The following B3GALT5 variants were observed in gnomAD, a reference collection of about 807,000 sequenced individuals.
The protein encoded by B3GALT5 is beta-1,3-galactosyltransferase 5.
For missense variants in B3GALT5, 328 were observed against 396.6 expected, an observed-to-expected ratio of 0.83 and a Z score of 1.47; for synonymous variants, 156 against 158.6, an observed-to-expected ratio of 0.98 and a Z score of 0.12.
rs1569212601 is a variant in B3GALT5 at position 39,639,456 on chromosome 21, T to TTTCTTTC, written c.-391-6934_-391-6933insCTTTCTT. On this transcript the variant is annotated intron_variant, in intron 1 of 3. Coordinates refer to ENST00000684187, the MANE Select transcript of B3GALT5 (RefSeq NM_001356336.2). ...TCTTTCTTTCTTTCTTTCTTTCTTT[T>TTTCTTTC]TTTCTTTCTCTCTCTCTCTCTCTTT... Among the ~76,000 whole-genome samples, 12 of 77,568 alleles carry TTTCTTTC rather than the reference T, an allele frequency of 1.5e-4. 1 individual carries two copies. The highest frequency in any genetic ancestry group is 4.4e-4 in the African/African-American group (8 of 18,246). The allele number at this position is 77,568 out of a possible 152,430, so 50.9% of individuals were successfully genotyped here. A position where few individuals can be genotyped will look rare whatever the true frequency, so the allele number is the denominator to read the frequency against.
chr21:39,658,510 G>C (rs897771330), intron 2 of B3GALT5, among the ~76,000 whole-genome samples: 31 of 152,284 alleles, frequency 2.0e-4, no homozygotes, highest in African/African-American at 6.7e-4. Flanking sequence ...TCTCTAAAAT[G>C]TATTGTGGGG....
chr21:39,650,614 A>T (rs566192323), intron 2 of B3GALT5, among the ~76,000 whole-genome samples: 1 of 152,270 alleles, frequency 6.6e-6, no homozygotes, highest in South Asian at 2.1e-4. Flanking sequence ...CACCCCGTTC[A>T]TACCTGCGTG....
chr21:39,652,345 C>T (rs2079403968), intron 2 of B3GALT5, among the ~76,000 whole-genome samples: 1 of 152,242 alleles, frequency 6.6e-6, no homozygotes, highest in Non-Finnish European at 1.5e-5. Context: ...GCAAGGTAGA[C>T]CTTGAAGGCA....
At chr21:39,654,308 C>T in intron 2 of B3GALT5, among the ~76,000 whole-genome samples, 1 of 152,192 alleles carries the variant, frequency 6.6e-6, no homozygotes, top group East Asian at 1.9e-4. Flanking sequence ...TCTTGAACTG[C>T]TGGCCTCAAG....
At chr21:39,617,521 T>C (rs1425843470) in intron 1 of B3GALT5, among the ~76,000 whole-genome samples, 1 of 152,092 alleles carries the variant, frequency 6.6e-6, no homozygotes, top group African/African-American at 2.4e-5. Context: ...AACCATCAGA[T>C]CTCATGAGAA....
intron 1 of B3GALT5, among the ~76,000 whole-genome samples, chr21:39,639,436 C>CTT (rs2079269023): frequency 9.2e-6 from 1 of 108,908 alleles, no homozygotes; most frequent in Non-Finnish European, 2.0e-5. Context: ...TTCTTTCTTT[C>CTT]TTTCTTTCTT....
chr21:39,635,173 T>C (rs553914714), intron 1 of B3GALT5, among the ~76,000 whole-genome samples: 1 of 152,290 alleles, frequency 6.6e-6, no homozygotes, highest in East Asian at 1.9e-4. Flanking sequence ...TGTTGATATT[T>C]GGATTTGGAT....
At chr21:39,656,982 G>A (rs114215322) in intron 2 of B3GALT5, among the ~76,000 whole-genome samples, 2,220 of 152,360 alleles carry the variant, frequency 0.015, 52 homozygotes, top group African/African-American at 0.051. Flanking sequence ...GGGGGGCAGT[G>A]ACCTAGGCAG....
intron 1 of B3GALT5, chr21:39,630,609 G>C (rs146626386): frequency 6.6e-6 from 1 of 152,380 alleles, no homozygotes; most frequent in East Asian, 1.9e-4. Context: ...GCTTGCACTT[G>C]ACTCTGGGAT....
In B3GALT5 at chr21:39,666,772, AAG is replaced by A. The variant is rs1275146727; in HGVS notation, c.*5285_*5286del. On this transcript the variant is annotated 3_prime_UTR_variant, in exon 4 of 4. Coordinates refer to ENST00000684187, the MANE Select transcript of B3GALT5 (RefSeq NM_001356336.2). ...GTAACCACATAATACACTGTGTGAA[AAG>A]AGAGGAAAGAAAAATCCAAGTCAAC... 4.6e-5 allele frequency: 7 copies of A among 152,276 alleles called. No individual in the cohort carries two copies. Among genetic ancestry groups the A allele is most frequent in the Non-Finnish European group, 8.8e-5 (6 of 68,074 alleles). The allele number at this position is 152,276 out of a possible 1,614,324, so 9.4% of individuals were successfully genotyped here. A position where few individuals can be genotyped will look rare whatever the true frequency, so the allele number is the denominator to read the frequency against.
chr21:39,614,289 A>G (rs1166811231), intron 1 of B3GALT5, among the ~76,000 whole-genome samples: 1 of 151,800 alleles, frequency 6.6e-6, no homozygotes, highest in Non-Finnish European at 1.5e-5. Flanking sequence ...ATCTCCTTTC[A>G]TTTTTTCCTT....
At chr21:39,640,368 C>T (rs147546618) in intron 1 of B3GALT5, among the ~76,000 whole-genome samples, 21 of 152,294 alleles carry the variant, frequency 1.4e-4, no homozygotes, top group African/African-American at 4.6e-4. Flanking sequence ...AGCCTAGTTG[C>T]ATCCTTCCCT....
chr21:39,660,239 G>C (rs2079497605), intron 3 of B3GALT5, among the ~76,000 whole-genome samples: 1 of 152,198 alleles, frequency 6.6e-6, no homozygotes, highest in Non-Finnish European at 1.5e-5. Flanking sequence ...TAGAAGGGCA[G>C]AGCTGGAGGA....
At chr21:39,623,192 C>G (rs1375601714) in intron 1 of B3GALT5, among the ~76,000 whole-genome samples, 2 of 103,216 alleles carry the variant, frequency 1.9e-5, no homozygotes, top group Non-Finnish European at 3.9e-5. Flanking sequence ...CCATCCATCC[C>G]TCCCTCCTTC....
rs961317258 is a variant in B3GALT5 at position 39,668,633 on chromosome 21, C to T, written c.*7141C>T. On this transcript the variant is annotated 3_prime_UTR_variant, in exon 4 of 4. Transcript: ENST00000684187. ...GCGGGAGGGACAAGCTTGCATGGCA[C>T]CCAGCTGTGGTACATTTAGAACTCG... 1.3e-5 allele frequency: 2 copies of T among 152,302 alleles called. No homozygotes were observed. The highest frequency in any genetic ancestry group is 2.1e-4 in the South Asian group (1 of 4,822). 9.4% of individuals were successfully genotyped at this position (152,302 alleles called of 1,614,324 possible). A position where few individuals can be genotyped will look rare whatever the true frequency, so the allele number is the denominator to read the frequency against.
rs1376908383 is a variant in B3GALT5, at chr21:39,670,152, T to G, written c.*8660T>G. On this transcript the variant is annotated 3_prime_UTR_variant, in exon 4 of 4. Transcript: ENST00000684187. ...AAATAAACTCTTCAGTCCAGCCCAC[T>G]TTCCCTGTCTCCCTATCTAATGCCC... 2 of 152,344 alleles carry G rather than the reference T, an allele frequency of 1.3e-5. No homozygotes were observed. Among genetic ancestry groups the G allele is most frequent in the African/African-American group, 4.8e-5 (2 of 41,444 alleles). 9.4% of individuals were successfully genotyped at this position (152,344 alleles called of 1,614,324 possible). A position where few individuals can be genotyped will look rare whatever the true frequency, so the allele number is the denominator to read the frequency against.
At chr21:39,621,997 T>C (rs937489067) in intron 1 of B3GALT5, among the ~76,000 whole-genome samples, 6 of 152,112 alleles carry the variant, frequency 3.9e-5, no homozygotes, top group African/African-American at 1.4e-4. Context: ...ATGCTTAATG[T>C]ATTCTACATA....
chr21:39,645,809 T>C (rs758116587), intron 1 of B3GALT5, among the ~76,000 whole-genome samples: 1 of 152,130 alleles, frequency 6.6e-6, no homozygotes, highest in African/African-American at 2.4e-5. Flanking sequence ...AATAATTCAC[T>C]GTCAGCATCC....
At chr21:39,632,575 CA>C (rs1158045449) in intron 1 of B3GALT5, among the ~76,000 whole-genome samples, 1 of 152,138 alleles carries the variant, frequency 6.6e-6, no homozygotes, top group Non-Finnish European at 1.5e-5. Context: ...TAGAAATTTA[CA>C]AAGGAAATGG....
Sources: gnomAD v4.1 joint callset for allele counts (sites outside exome capture counted in the v4.1 genomes callset) on GRCh38, gnomAD v4.1.1 for gene constraint, MANE v1.5 for transcripts, NCBI Gene and HGNC (gene_info 2026-07-23, HGNC 2026-07-21) for gene names.